Variants in ZHX2 observed in about 807,000 individuals in gnomAD.
ZHX2 encodes zinc fingers and homeoboxes protein 2.
In ZHX2, 6 loss-of-function variants were observed where a neutral mutation model predicts 21.9. The observed-to-expected ratio is 0.27, with a 90% confidence interval of 0.15 to 0.54. The LOEUF is 0.54. Among genes scored for constraint, ZHX2 ranks in the 20% least tolerant of loss-of-function variants. The pLI, the probability that ZHX2 is intolerant of heterozygous loss-of-function variation, is 0.95. For synonymous variants in ZHX2, 434 were observed against 437.1 expected (o/e 0.99, Z 0.09); for missense variants, 908 against 1,090.7 (o/e 0.83, Z 2.36).
intron 1 of ZHX2, among the ~76,000 whole-genome samples, chr8:122,855,850 G>T (rs1041211884): frequency 6.6e-5 from 10 of 152,168 alleles, no homozygotes; most frequent in African/African-American, 2.4e-4. Context: ...TACACAGGAA[G>T]ATCCAAATTA....
chr8:122,914,121 A>G (rs972555433), intron 2 of ZHX2, among the ~76,000 whole-genome samples: 7 of 152,194 alleles, frequency 4.6e-5, no homozygotes, highest in Non-Finnish European at 1.0e-4. Flanking sequence ...GTCATATTCC[A>G]AGTACCTAGC....
Position 122,908,121 on chromosome 8 carries a change from C to A in ZHX2, c.-219-43171C>A, listed in dbSNP as rs562861858. The stretch of plus-strand genomic sequence containing the variant: ...ATGACAATCCTCGCCCCGCCCAACC[C>A]AAAATCTCACAAGGCTGTTGTGAGC... On this transcript the variant is annotated intron_variant, in intron 2 of 3. Coordinates refer to ENST00000314393, the MANE Select transcript of ZHX2 (RefSeq NM_014943.5). Among the ~76,000 whole-genome samples the A allele has an allele frequency of 4.6e-5, 7 of 152,296 alleles. No homozygotes were observed. The South Asian group carries it at 1.5e-3, about 32-fold the overall frequency.
In ZHX2 at chr8:122,782,350, C is replaced by T. The variant is rs1325335138; in HGVS notation, c.-283+404C>T. 6.6e-6 allele frequency among the ~76,000 whole-genome samples: 1 copy of T among 152,134 alleles called. No homozygotes were observed. The highest frequency in any genetic ancestry group is 1.9e-4 in the East Asian group (1 of 5,180). ...TCGACAGGGCGTTACGTAGACCCGACTGTTTTTATTTATTTATTTCGTGGC... is the reference window on the plus strand; with the variant it reads ...TCGACAGGGCGTTACGTAGACCCGATTGTTTTTATTTATTTATTTCGTGGC... On this transcript the variant is annotated intron_variant, in intron 1 of 3. Transcript: ENST00000314393. This position sits in a 1 kb window ranked among gnomAD's most constrained non-coding sequence, Gnocchi z 5.3.
At chr8:122,885,004 G>A (rs1020675762) in intron 2 of ZHX2, among the ~76,000 whole-genome samples, 2 of 152,188 alleles carry the variant, frequency 1.3e-5, no homozygotes, top group African/African-American at 4.8e-5. Context: ...TAAAAAGATG[G>A]ATTGTTGGAG....
In ZHX2 at chr8:122,937,193, G is replaced by A. The variant is rs528545798; in HGVS notation, c.-219-14099G>A. ...TGGAGGAAAGCCCCGAGGAGGACCTGGGGCAGAGCAATGAAGAATTAGGAG... is the reference window on the plus strand; with the variant it reads ...TGGAGGAAAGCCCCGAGGAGGACCTAGGGCAGAGCAATGAAGAATTAGGAG... On this transcript the variant is annotated intron_variant, in intron 2 of 3. Coordinates refer to ENST00000314393, the MANE Select transcript of ZHX2 (RefSeq NM_014943.5). 2.0e-5 allele frequency among the ~76,000 whole-genome samples: 3 copies of A among 152,350 alleles called. No homozygotes were observed. In the East Asian group the frequency reaches 5.8e-4, roughly 29 times the overall value.
At chr8:122,826,596 C>A (rs991512118) in intron 1 of ZHX2, among the ~76,000 whole-genome samples, 3 of 152,194 alleles carry the variant, frequency 2.0e-5, no homozygotes, top group Non-Finnish European at 2.9e-5. Context: ...CCATCCAAAT[C>A]CTGACACGGA....
chr8:122,812,006 A>G (rs890663509), intron 1 of ZHX2: 1 of 152,224 alleles, frequency 6.6e-6, no homozygotes, highest in African/African-American at 2.4e-5. Flanking sequence ...GACAGACAGT[A>G]AGCAATAATC....
At chr8:122,830,482 T>C (rs2130670971) in intron 1 of ZHX2, among the ~76,000 whole-genome samples, 1 of 152,314 alleles carries the variant, frequency 6.6e-6, no homozygotes, top group African/African-American at 2.4e-5. Flanking sequence ...GGGACAACTT[T>C]CTTAATAACT....
chr8:122,870,758 C>A (rs183875487), intron 2 of ZHX2, among the ~76,000 whole-genome samples: 1 of 151,608 alleles, frequency 6.6e-6, no homozygotes, highest in East Asian at 1.9e-4. Context: ...GTGGCTGTTC[C>A]GATGGCCCCA....
In ZHX2 at chr8:122,843,959, TCACACA is replaced by T. The variant is rs3221811; in HGVS notation, c.-282-19491_-282-19486del. On this transcript the variant is annotated intron_variant, in intron 1 of 3. Transcript: ENST00000314393. ...ACACTTCGCTTTTTGTTCTCACCCT[TCACACA>T]CACACACACACACACACACACACAC... Among the ~76,000 whole-genome samples, 1,298 of 148,858 alleles carry T rather than the reference TCACACA, an allele frequency of 8.7e-3. 18 individuals are homozygous for T. The highest frequency in any genetic ancestry group is 0.028 in the African/African-American group (1,139 of 40,476).
intron 2 of ZHX2, among the ~76,000 whole-genome samples, chr8:122,866,681 C>T (rs892966403): frequency 6.6e-6 from 1 of 152,124 alleles, no homozygotes; most frequent in Non-Finnish European, 1.5e-5. Context: ...TCATGGCTGC[C>T]AGGGGCACTA....
At chr8:122,822,302 C>T (rs1721754644) in intron 1 of ZHX2, among the ~76,000 whole-genome samples, 1 of 152,086 alleles carries the variant, frequency 6.6e-6, no homozygotes, top group Non-Finnish European at 1.5e-5. Context: ...GATGGCGGCT[C>T]TTGTTTTGGG....
Position 122,951,497 on chromosome 8 carries a change from C to A in ZHX2, c.-14C>A. 2 of 1,603,336 alleles carry A rather than the reference C, an allele frequency of 1.2e-6. No individual in the cohort carries two copies. The highest frequency in any genetic ancestry group is 1.7e-6 in the Non-Finnish European group (2 of 1,173,422). ...CCCCCTCCAAAAATAAGCCATTGCA[C>A]ACAGACAGGCAGCATGGCTAGCAAA... is the stretch of plus-strand genomic sequence containing the variant. On this transcript the variant is annotated 5_prime_UTR_variant, in exon 3 of 4. Coordinates refer to ENST00000314393, the MANE Select transcript of ZHX2 (RefSeq NM_014943.5).
At chr8:122,832,760 G>A (rs191965645) in intron 1 of ZHX2, among the ~76,000 whole-genome samples, 1 of 152,304 alleles carries the variant, frequency 6.6e-6, no homozygotes, top group Admixed American at 6.5e-5. Context: ...TATGCGGTCG[G>A]TTGTGAGCCC....
intron 1 of ZHX2, among the ~76,000 whole-genome samples, chr8:122,839,864 C>T (rs550884832): frequency 7.2e-5 from 11 of 152,152 alleles, no homozygotes; most frequent in South Asian, 2.1e-4. Flanking sequence ...ATCTTTTAAA[C>T]TTTGTGTTGT....
Position 122,847,315 on chromosome 8 carries a change from G to A in ZHX2, c.-282-16162G>A, listed in dbSNP as rs75191170. Among the ~76,000 whole-genome samples the A allele has an allele frequency of 7.2e-3, 1,090 of 152,272 alleles. 10 individuals are homozygous for A. Among genetic ancestry groups the A allele is most frequent in the African/African-American group, 0.025 (1,023 of 41,550 alleles). ...CCCACTGAGGGGGGTTGAGCCCACT[G>A]TCCAGGACCACTCTACCCTGTCCTC... On this transcript the variant is annotated intron_variant, in intron 1 of 3. Coordinates refer to ENST00000314393, the MANE Select transcript of ZHX2 (RefSeq NM_014943.5).
intron 1 of ZHX2, among the ~76,000 whole-genome samples, chr8:122,856,617 C>T (rs1819030247): frequency 6.6e-6 from 1 of 152,172 alleles, no homozygotes; most frequent in Non-Finnish European, 1.5e-5. Context: ...TCATCTCTCT[C>T]ACATCTGCCA....
rs533679095 is a variant in ZHX2, at chr8:122,820,346, C to A, written c.-283+38400C>A. On this transcript the variant is annotated intron_variant, in intron 1 of 3. Coordinates refer to ENST00000314393, the MANE Select transcript of ZHX2 (RefSeq NM_014943.5). The stretch of plus-strand genomic sequence containing the variant: ...CCCCTCAGAGGCGAGGAGATGGCCA[C>A]AGGGGCCTGTGGAGAAGCCCATATA... 3.9e-5 allele frequency among the ~76,000 whole-genome samples: 6 copies of A among 152,328 alleles called. No individual in the cohort carries two copies. The South Asian group carries it at 1.2e-3, about 32-fold the overall frequency.
intron 2 of ZHX2, among the ~76,000 whole-genome samples, chr8:122,869,492 C>T (rs1473439287): frequency 1.3e-5 from 2 of 152,130 alleles, no homozygotes; most frequent in Admixed American, 6.5e-5. Context: ...CAGACTCTTC[C>T]CGCCTGAGGA....
Sources: allele counts gnomAD v4.1 joint callset (sites outside exome capture counted in the v4.1 genomes callset), GRCh38; gene constraint gnomAD v4.1.1; non-coding constraint Gnocchi (gnomAD v3.1); transcripts MANE v1.5; gene names NCBI Gene and HGNC (gene_info 2026-07-23, HGNC 2026-07-21).